GOLGA4: variants seen among roughly 807,000 people sequenced by gnomAD.
GOLGA4 encodes the protein golgin subfamily A member 4.
GOLGA4 carries 169 observed loss-of-function variants against 265.9 expected under a neutral mutation model. That is an observed-to-expected ratio of 0.64 (90% CI 0.56 to 0.72). The LOEUF (loss-of-function observed/expected upper bound fraction) is 0.72, where lower values mean the gene tolerates loss of function less well. Ranked by LOEUF, GOLGA4 falls within the 30% of genes least tolerant of loss-of-function variation. The pLI is 0.00. For synonymous variants in GOLGA4, 923 were observed against 855.8 expected, an observed-to-expected ratio of 1.08 and a Z score of -1.37; for missense variants, 2,482 against 2,483.4, an observed-to-expected ratio of 1.00 and a Z score of 0.01.
chr3:37,278,261 G>A (rs1578466240), intron 2 of GOLGA4, among the ~76,000 whole-genome samples: 1 of 151,292 alleles, frequency 6.6e-6, no homozygotes, highest in South Asian at 2.1e-4. Flanking sequence ...GCGTAATGGC[G>A]TGATCTCAGC....
chr3:37,282,691 A>G (rs1464966291), intron 3 of GOLGA4, among the ~76,000 whole-genome samples: 1 of 152,116 alleles, frequency 6.6e-6, no homozygotes, highest in East Asian at 1.9e-4. Context: ...CTGATTCTAA[A>G]ATTGTTTTAG....
intron 4 of GOLGA4, 43 bp from the exon 5 acceptor site, chr3:37,289,176 TATTTACTATGTCATAC>T: frequency 1.1e-6 from 1 of 870,892 alleles, no homozygotes; most frequent in East Asian, 2.5e-5. Flanking sequence ...ACTTGCTTTG[TATTTACTATGTCATAC>T]AGTTAGCTGT....
At chr3:37,315,695 A>G (rs2096935723) in intron 11 of GOLGA4, 97 bp downstream of exon 11, 2 of 1,011,930 alleles carry the variant, frequency 2.0e-6, no homozygotes, top group South Asian at 1.5e-5. Flanking sequence ...GTTTGTTTGT[A>G]TTTTAGACAT....
At chr3:37,333,213 C>G (rs2096997043) in intron 16 of GOLGA4, among the ~76,000 whole-genome samples, 1 of 152,168 alleles carries the variant, frequency 6.6e-6, no homozygotes, top group Non-Finnish European at 1.5e-5. Context: ...TGCAGAGTAG[C>G]TCGTAAGGCT....
chr3:37,326,376 G>T lies in GOLGA4; in HGVS notation c.4490G>T (p.Cys1497Phe), dbSNP rs1050262978. ...ELDQQNKRFD[C>F]LKGEMEDDKS... is the part of the protein sequence containing the mutation. ...GATCAGCAAAATAAAAGATTTGATT[G>T]TTTAAAGGGTGAAATGGAAGACGAC... The change falls in exon 14 of 24, where the codon TGT (cysteine) becomes TTT (phenylalanine). Residue 1497 changes from cysteine to phenylalanine, a missense_variant. Coordinates refer to ENST00000361924, the MANE Select transcript of GOLGA4 (RefSeq NM_002078.5). 6.2e-7 allele frequency: 1 copy of T among 1,613,418 alleles called. No individual in the cohort carries two copies. The highest frequency in any genetic ancestry group is 8.5e-7 in the Non-Finnish European group (1 of 1,179,664).
chr3:37,308,301 G>C (rs1418293539), intron 10 of GOLGA4, among the ~76,000 whole-genome samples: 1 of 151,224 alleles, frequency 6.6e-6, no homozygotes, highest in Non-Finnish European at 1.5e-5. Context: ...GAAAGTCAAA[G>C]CATAGTCAGT....
At chr3:37,289,171 C>T in intron 4 of GOLGA4, 64 bp from the exon 5 acceptor site, 1 of 839,024 alleles carries the variant, frequency 1.2e-6, no homozygotes, top group East Asian at 2.5e-5. Context: ...TTTTGACTTG[C>T]TTTGTATTTA....
Position 37,366,391 on chromosome 3 carries a change from A to G in GOLGA4, c.*345A>G, listed in dbSNP as rs548176369. The G allele has an allele frequency of 2.9e-6, 1 of 342,750 alleles. No individual in the cohort carries two copies. Among genetic ancestry groups the G allele is most frequent in the East Asian group, 4.5e-5 (1 of 22,104 alleles). 21.2% of individuals were successfully genotyped at this position (342,750 alleles called of 1,614,324 possible). On this transcript the variant is annotated 3_prime_UTR_variant, in exon 24 of 24. Transcript: ENST00000361924. ...TATTCCTTTCATCCATTCTTTTTAA[A>G]GAACGGCTTACCTTTCCTATTTATT...
At chr3:37,252,796 C>T (rs1163779354) in intron 2 of GOLGA4, among the ~76,000 whole-genome samples, 1 of 152,062 alleles carries the variant, frequency 6.6e-6, no homozygotes, top group South Asian at 2.1e-4. Context: ...AAGTCCCTTG[C>T]CCATTTTCTA....
At chr3:37,274,971 T>C (rs1434273597) in intron 2 of GOLGA4, among the ~76,000 whole-genome samples, 3 of 151,834 alleles carry the variant, frequency 2.0e-5, no homozygotes, top group African/African-American at 7.3e-5. Context: ...CCCAGCACTT[T>C]GGGAGGCCGA....
chr3:37,259,411 C>T (rs2096763266), intron 2 of GOLGA4, among the ~76,000 whole-genome samples: 1 of 152,204 alleles, frequency 6.6e-6, no homozygotes, highest in Non-Finnish European at 1.5e-5. Flanking sequence ...TCAAGTCTGT[C>T]AATTGCAGGC....
intron 13 of GOLGA4, 94 bp from the exon 14 acceptor site, chr3:37,323,494 G>C: frequency 1.4e-6 from 1 of 689,948 alleles, no homozygotes; most frequent in Non-Finnish European, 2.5e-6. Flanking sequence ...TGATAATTTT[G>C]ATCTTCAGGT....
chr3:37,249,956 C>T (rs996960457), intron 1 of GOLGA4: 1 of 152,178 alleles, frequency 6.6e-6, no homozygotes, highest in African/African-American at 2.4e-5. Context: ...AGATGATGAA[C>T]TTTATTTGTA....
At position 37,324,270 on chromosome 3, in the gene GOLGA4, A is replaced by G. The variant is rs761611900; in HGVS notation, c.2384A>G (p.Gln795Arg). The change falls in exon 14 of 24, where the codon CAG becomes CGG. Residue 795 changes from glutamine to arginine, a missense_variant. By Grantham distance (43) the Gln-to-Arg change is conservative. Transcript: ENST00000361924. ...DIKRSEGELQ[Q>R]ASAKLDVFQS... Reference sequence around the variant, plus strand: ...AAAAGGTCTGAAGGGGAACTCCAGCAGGCATCTGCTAAGCTGGACGTTTTT... The same window carrying G: ...AAAAGGTCTGAAGGGGAACTCCAGCGGGCATCTGCTAAGCTGGACGTTTTT... The G allele has an allele frequency of 5.0e-6, 8 of 1,614,084 alleles. No homozygotes were observed. The Admixed American group carries it at 1.3e-4, about 27-fold the overall frequency.
intron 22 of GOLGA4, among the ~76,000 whole-genome samples, chr3:37,358,419 A>T (rs2097096012): frequency 6.6e-6 from 1 of 152,128 alleles, no homozygotes; most frequent in African/African-American, 2.4e-5. Flanking sequence ...AGTAGATTTT[A>T]TAGATGAGAA....
Position 37,361,224 on chromosome 3 carries a change from T to C in GOLGA4, c.6664-19T>C, listed in dbSNP as rs1487644080. On this transcript the variant is annotated intron_variant, in intron 22 of 23. Coordinates refer to ENST00000361924, the MANE Select transcript of GOLGA4 (RefSeq NM_002078.5). ...CTTAAAACTAACCCAATAAGCTTTT[T>C]TTCTTCCTGGCTTTGTAGTTTACTT... 2 of 1,602,722 alleles carry C rather than the reference T, an allele frequency of 1.2e-6. No individual in the cohort carries two copies. Among genetic ancestry groups the C allele is most frequent in the Middle Eastern group, 3.3e-4 (2 of 6,036 alleles).
At chr3:37,347,376 C>A in intron 21 of GOLGA4, 80 bp downstream of exon 21, 1 of 751,088 alleles carries the variant, frequency 1.3e-6, no homozygotes, top group Non-Finnish European at 2.3e-6. Context: ...CATGTGAATG[C>A]CATATGTTTA....
rs754363633 is a variant in GOLGA4 at position 37,298,897 on chromosome 3, C to T, written c.879C>T (p.Asn293=). The T allele has an allele frequency of 4.3e-6, 7 of 1,613,366 alleles. No homozygotes were observed. Among genetic ancestry groups the T allele is most frequent in the African/African-American group, 1.3e-5 (1 of 74,898 alleles). ...TLQQRVKRQE[N]LLKRCKETIQ... is the part of the protein sequence containing the mutation. ...AGCAAAGAGTGAAGCGTCAAGAGAA[C>T]CTACTTAAGCGTTGTAAGGAAACAA... The change falls in exon 8 of 24, where the codon AAC becomes AAT. Residue 293 remains asparagine (N), a synonymous_variant. Transcript: ENST00000361924.
At chr3:37,318,956 T>A in intron 11 of GOLGA4, 107 bp from the exon 12 acceptor site, 1 of 727,336 alleles carries the variant, frequency 1.4e-6, no homozygotes, top group Non-Finnish European at 2.2e-6. Flanking sequence ...TGATTTTTTC[T>A]TCTTAAAAAC....
Sources: allele counts gnomAD v4.1 joint callset (sites outside exome capture counted in the v4.1 genomes callset), GRCh38; gene constraint gnomAD v4.1.1; transcripts MANE v1.5; gene names NCBI Gene and HGNC (gene_info 2026-07-23, HGNC 2026-07-21).